EYS: variants seen among roughly 807,000 people sequenced by gnomAD.
EYS encodes EGF-like photoreceptor maintenance factor, also known as protein eyes shut homolog.
In EYS, 250 loss-of-function variants were observed where a neutral mutation model predicts 282.1. The ratio of observed to expected loss-of-function variants is 0.89; its 90% CI spans 0.80 to 0.98. EYS has a LOEUF of 0.98. Among genes scored for constraint, EYS ranks in the 50% least tolerant of loss-of-function variants. The pLI is 0.00. For missense variants in EYS, 4,016 were observed against 3,709.0 expected (o/e 1.08, Z -2.15); for synonymous variants, 1,355 against 1,282.9 (o/e 1.06, Z -1.20).
chr6:64,128,727 A>G (rs1562215499), intron 31 of EYS, among the ~76,000 whole-genome samples: 1 of 152,218 alleles, frequency 6.6e-6, no homozygotes, highest in Non-Finnish European at 1.5e-5. Context: ...TCAAAGTCAA[A>G]TAAACAGTAC....
At chr6:64,615,676 A>G (rs1320226419) in intron 24 of EYS, among the ~76,000 whole-genome samples, 2 of 152,128 alleles carry the variant, frequency 1.3e-5, no homozygotes, top group Non-Finnish European at 2.9e-5. Flanking sequence ...TTTAAAGAAT[A>G]ACTAATGCAT....
intron 22 of EYS, among the ~76,000 whole-genome samples, chr6:64,759,455 A>G (rs959075895): frequency 1.3e-5 from 2 of 152,168 alleles, no homozygotes; most frequent in Non-Finnish European, 2.9e-5. Flanking sequence ...TACTGTTCTA[A>G]TGAAAATAAT....
chr6:65,250,725 T>A (rs975395241), intron 12 of EYS, among the ~76,000 whole-genome samples: 11 of 151,978 alleles, frequency 7.2e-5, no homozygotes, highest in Admixed American at 3.9e-4. Context: ...CAAATTTGAA[T>A]ATAAACCCAT....
intron 12 of EYS, among the ~76,000 whole-genome samples, chr6:65,193,615 G>T (rs556629566): frequency 2.6e-5 from 4 of 151,226 alleles, no homozygotes; most frequent in Non-Finnish European, 5.9e-5. Context: ...TTCATTTATT[G>T]TTCAACAAAT....
At chr6:64,246,695 G>A (rs1767034327) in intron 30 of EYS, among the ~76,000 whole-genome samples, 1 of 152,112 alleles carries the variant, frequency 6.6e-6, no homozygotes, top group African/African-American at 2.4e-5. Flanking sequence ...TCTAGTAGTT[G>A]CTAGAGAAGT....
chr6:65,037,425 C>G (rs774272512), intron 13 of EYS, among the ~76,000 whole-genome samples: 1 of 151,636 alleles, frequency 6.6e-6, no homozygotes. Flanking sequence ...ACACAATTTT[C>G]GCACGTTATA....
At chr6:65,379,277 T>C (rs1229196569) in intron 8 of EYS, among the ~76,000 whole-genome samples, 3 of 152,006 alleles carry the variant, frequency 2.0e-5, no homozygotes. Context: ...CACGACCAAT[T>C]TGGCTTTATC....
chr6:64,346,900 C>T (rs539009910), intron 29 of EYS, among the ~76,000 whole-genome samples: 7 of 151,448 alleles, frequency 4.6e-5, no homozygotes, highest in Middle Eastern at 3.4e-3. Flanking sequence ...ATATGTATCA[C>T]TATAAGCTCT....
intron 29 of EYS, among the ~76,000 whole-genome samples, chr6:64,331,601 GCCC>G (rs1770650508): frequency 7.8e-6 from 1 of 128,370 alleles, no homozygotes; most frequent in Admixed American, 7.6e-5. Context: ...TAGCCCCCCC[GCCC>G]GCCCAGTTCA....
intron 2 of EYS, among the ~76,000 whole-genome samples, chr6:65,535,725 A>C (rs1040031435): frequency 6.6e-6 from 1 of 152,154 alleles, no homozygotes; most frequent in Admixed American, 6.6e-5. Context: ...TTTTTGTTCT[A>C]TTCATGCCTT....
intron 33 of EYS, among the ~76,000 whole-genome samples, chr6:64,039,674 A>C (rs956530800): frequency 4.6e-5 from 7 of 152,192 alleles, no homozygotes; most frequent in Admixed American, 6.5e-5. Context: ...AATGGCAAAA[A>C]AAAATGTTTC....
chr6:65,582,198 CAAAT>C (rs3049810), intron 2 of EYS, among the ~76,000 whole-genome samples: 16,460 of 143,162 alleles, frequency 0.11, 2,522 homozygotes, highest in African/African-American at 0.35. Flanking sequence ...TCCATCTCAA[CAAAT>C]AAATAAATAA....
At chr6:64,038,958 C>A (rs1450842366) in intron 33 of EYS, among the ~76,000 whole-genome samples, 1 of 152,120 alleles carries the variant, frequency 6.6e-6, no homozygotes, top group Non-Finnish European at 1.5e-5. Flanking sequence ...GTCCCTACAA[C>A]CGTGTATGGC....
intron 26 of EYS, among the ~76,000 whole-genome samples, chr6:64,529,616 A>C (rs904148328): frequency 1.3e-5 from 2 of 151,964 alleles, no homozygotes; most frequent in Non-Finnish European, 2.9e-5. Flanking sequence ...TTTTCTTATG[A>C]GTATAATTAT....
At chr6:64,633,348 G>A (rs9353984) in intron 22 of EYS, among the ~76,000 whole-genome samples, 91,209 of 151,814 alleles carry the variant, frequency 0.6, 27,554 homozygotes, top group South Asian at 0.69. Flanking sequence ...ATATTATTTC[G>A]TATCACTTTT....
intron 2 of EYS, among the ~76,000 whole-genome samples, chr6:65,513,192 G>A (rs1415508224): frequency 6.6e-6 from 1 of 152,170 alleles, no homozygotes; most frequent in African/African-American, 2.4e-5. Context: ...AAATCTAGAA[G>A]AAATGGATAA....
intron 1 of EYS, among the ~76,000 whole-genome samples, chr6:65,673,298 G>C (rs1768463470): frequency 6.6e-6 from 1 of 152,076 alleles, no homozygotes; most frequent in South Asian, 2.1e-4. Context: ...TGGGAACGTA[G>C]AGTGGGAGAG....
chr6:64,423,603 T>C (rs946397600), intron 28 of EYS, among the ~76,000 whole-genome samples: 1 of 151,996 alleles, frequency 6.6e-6, no homozygotes, highest in African/African-American at 2.4e-5. Context: ...AGGTCAAGAG[T>C]TCCAGACCAG....
rs1444638758 is a variant in EYS, at chr6:63,974,502, T to TA, written c.7055+9880dup. Reference sequence around the variant, plus strand: ...TGGGATTTAAGCCAGAGAAGTCTCTTATGCCCAGGAAGATCAATCAGGGTA... The same window carrying TA: ...TGGGATTTAAGCCAGAGAAGTCTCTTAATGCCCAGGAAGATCAATCAGGGTA... On this transcript the variant is annotated intron_variant, in intron 35 of 42. Transcript: ENST00000503581. 2.0e-5 allele frequency among the ~76,000 whole-genome samples: 3 copies of TA among 152,122 alleles called. No individual in the cohort carries two copies. In the East Asian group the frequency reaches 5.8e-4, roughly 30 times the overall value.
Sources: gnomAD v4.1 joint callset for allele counts (sites outside exome capture counted in the v4.1 genomes callset) on GRCh38, gnomAD v4.1.1 for gene constraint, MANE v1.5 for transcripts, NCBI Gene and HGNC (gene_info 2026-07-23, HGNC 2026-07-21) for gene names.